ETFRF1: variants seen among roughly 807,000 people sequenced by gnomAD.
ETFRF1 encodes the protein electron transfer flavoprotein regulatory factor 1.
A neutral mutation model predicts 9.0 loss-of-function variants in ETFRF1; 12 were observed. That is an observed-to-expected ratio of 1.34 (90% confidence interval 0.86 to 2.16). The LOEUF (loss-of-function observed/expected upper bound fraction) is 2.16, where lower values mean the gene tolerates loss of function less well. Ranked by LOEUF, ETFRF1 falls within the 30% of genes most tolerant of loss-of-function variation. The pLI is 0.00. For synonymous variants in ETFRF1, 34 were observed against 33.2 expected, an observed-to-expected ratio of 1.02 and a Z score of -0.08; for missense variants, 98 against 101.8, an observed-to-expected ratio of 0.96 and a Z score of 0.16.
rs753152471 is a variant in ETFRF1, at chr12:25,195,267, AC to A, written c.-104del. 1 of 649,256 alleles carries A rather than the reference AC, an allele frequency of 1.5e-6. No homozygotes were observed. 40.2% of individuals were successfully genotyped at this position (649,256 alleles called of 1,614,324 possible). ...CAGGTTGCCCACCTCCCCCAACGCC[AC>A]CCCGCTTCGCAGTAGACGGACAGAG... On this transcript the variant is annotated 5_prime_UTR_variant, in exon 1 of 3. Coordinates refer to ENST00000381356, the MANE Select transcript of ETFRF1 (RefSeq NM_001001660.3).
At chr12:25,199,471 C>T (rs191574393) in intron 1 of ETFRF1, among the ~76,000 whole-genome samples, 18 of 150,242 alleles carry the variant, frequency 1.2e-4, no homozygotes, top group Non-Finnish European at 1.9e-4. Flanking sequence ...CTCTGTTTGT[C>T]AATATATATT....
chr12:25,198,576 TAA>T (rs1248921987), intron 1 of ETFRF1, among the ~76,000 whole-genome samples: 3 of 151,688 alleles, frequency 2.0e-5, no homozygotes, highest in South Asian at 2.1e-4. Flanking sequence ...TCAGAAGTGA[TAA>T]GAGACAAAAG....
intron 1 of ETFRF1, among the ~76,000 whole-genome samples, chr12:25,201,774 C>T (rs1187742676): frequency 6.6e-6 from 1 of 152,060 alleles, no homozygotes; most frequent in African/African-American, 2.4e-5. Flanking sequence ...CACTATTGTA[C>T]TTCGGGGTTC....
At chr12:25,196,351 A>T (rs1951005700) in intron 1 of ETFRF1, among the ~76,000 whole-genome samples, 1 of 152,230 alleles carries the variant, frequency 6.6e-6, no homozygotes, top group Admixed American at 6.5e-5. Flanking sequence ...TTTAATGATA[A>T]AACACCTCAG....
At position 25,205,013 on chromosome 12, in the gene ETFRF1, C is replaced by CTA. The variant is rs61764375; in HGVS notation, c.*703_*704dup. On this transcript the variant is annotated 3_prime_UTR_variant, in exon 3 of 3. Coordinates refer to ENST00000381356, the MANE Select transcript of ETFRF1 (RefSeq NM_001001660.3). Reference sequence around the variant, plus strand: ...AAGGAAATAAATAAATAATGTTATCCTATTTTTTTGTCATAAAGGCAGATT... The same window carrying CTA: ...AAGGAAATAAATAAATAATGTTATCCTATATTTTTTTGTCATAAAGGCAGATT... 876 of 208,170 alleles carry CTA rather than the reference C, an allele frequency of 4.2e-3. 8 individuals carry two copies. Among genetic ancestry groups the CTA allele is most frequent in the African/African-American group, 0.019 (815 of 44,028 alleles). The allele number at this position is 208,170 out of a possible 1,614,324, so 12.9% of individuals were successfully genotyped here.
chr12:25,204,074 A>G lies in ETFRF1; in HGVS notation c.52-17A>G. 6.4e-7 allele frequency: 1 copy of G among 1,554,042 alleles called. No individual in the cohort carries two copies. Among genetic ancestry groups the G allele is most frequent in the Non-Finnish European group, 8.7e-7 (1 of 1,147,338 alleles). ...TGACATGGATTGTTTAGAAATATAT[A>G]ATCTTTCTTTTTGAAGCTGCTGTAT... is the stretch of plus-strand genomic sequence containing the variant. On this transcript the variant is annotated splice_polypyrimidine_tract_variant and intron_variant, in intron 2 of 2. Transcript: ENST00000381356.
chr12:25,198,137 T>A (rs1379559633), intron 1 of ETFRF1, among the ~76,000 whole-genome samples: 3 of 152,192 alleles, frequency 2.0e-5, no homozygotes, highest in Non-Finnish European at 4.4e-5. Context: ...TCTACCCCCT[T>A]ACTCCCATAG....
Position 25,203,868 on chromosome 12 carries a change from T to A in ETFRF1, c.-37-52T>A, listed in dbSNP as rs1037936978. On this transcript the variant is annotated intron_variant, in intron 1 of 2. Transcript: ENST00000381356. The stretch of plus-strand genomic sequence containing the variant: ...TCTCAATGTGTATAACCTTTTTTTA[T>A]TTTTTTAAGACTACAATGCAGCTAA... The A allele has an allele frequency of 7.8e-6, 8 of 1,031,188 alleles. No homozygotes were observed. In the African/African-American group the frequency reaches 1.0e-4, roughly 13 times the overall value. 63.9% of individuals were successfully genotyped at this position (1,031,188 alleles called of 1,614,324 possible).
chr12:25,204,237 A>C lies in ETFRF1; in HGVS notation c.198A>C (p.Leu66=), dbSNP rs747471440. ...IAQGEFVMKE[L]EALYFLRKYR... ...AGGGCGAATTTGTAATGAAAGAGCT[A>C]GAAGCTTTGTACTTCCTTAGGAAAT... The change falls in exon 3 of 3, where the codon CTA becomes CTC. Residue 66 remains leucine (L), a synonymous_variant. Transcript: ENST00000381356. 3.1e-6 allele frequency: 5 copies of C among 1,611,330 alleles called. No homozygotes were observed. The Admixed American group carries it at 8.4e-5, about 27-fold the overall frequency.
intron 1 of ETFRF1, among the ~76,000 whole-genome samples, chr12:25,199,619 T>TACACACAC (rs56221882): frequency 1.0e-3 from 149 of 143,668 alleles, no homozygotes; most frequent in African/African-American, 2.4e-3. Context: ...TATGTATACA[T>TACACACAC]ACACACACAC....
chr12:25,199,796 ATAG>A (rs1258847381), intron 1 of ETFRF1, among the ~76,000 whole-genome samples: 8 of 152,162 alleles, frequency 5.3e-5, no homozygotes, highest in African/African-American at 1.9e-4. Context: ...TAACATCTCT[ATAG>A]TAGTCTCCAG....
chr12:25,197,149 G>C (rs1190778535), intron 1 of ETFRF1, among the ~76,000 whole-genome samples: 1 of 146,624 alleles, frequency 6.8e-6, no homozygotes, highest in Non-Finnish European at 1.5e-5. Context: ...GCAAGACTCC[G>C]TCTCAAAAAA....
intron 1 of ETFRF1, among the ~76,000 whole-genome samples, chr12:25,202,301 G>A (rs1261903040): frequency 2.0e-5 from 3 of 151,980 alleles, no homozygotes; most frequent in African/African-American, 7.3e-5. Flanking sequence ...ACGTGGGGCT[G>A]AGCAAGGCAG....
intron 1 of ETFRF1, among the ~76,000 whole-genome samples, chr12:25,200,646 A>T (rs1447967148): frequency 6.6e-6 from 1 of 152,232 alleles, no homozygotes; most frequent in Non-Finnish European, 1.5e-5. Context: ...TACTCAGACA[A>T]GCTATCAAAC....
At chr12:25,195,580 T>G (rs7979296) in intron 1 of ETFRF1, 140,540 of 197,468 alleles carry the variant, frequency 0.71, 51,399 homozygotes, top group East Asian at 0.89. Flanking sequence ...TGCGGTTTAA[T>G]CCAGCAGGGG....
In ETFRF1 at chr12:25,204,891, A is replaced by G. The variant is rs1179146149; in HGVS notation, c.*579A>G. 5.0e-6 allele frequency: 1 copy of G among 199,824 alleles called. No homozygotes were observed. The highest frequency in any genetic ancestry group is 1.0e-5 in the Non-Finnish European group (1 of 96,354). The allele number at this position is 199,824 out of a possible 1,614,324, so 12.4% of individuals were successfully genotyped here. A position where few individuals can be genotyped will look rare whatever the true frequency, so the allele number is the denominator to read the frequency against. On this transcript the variant is annotated 3_prime_UTR_variant, in exon 3 of 3. Coordinates refer to ENST00000381356, the MANE Select transcript of ETFRF1 (RefSeq NM_001001660.3). Reference sequence around the variant, plus strand: ...CTGGTGACTGGCATTAACATACATAACTAACTATTCAATTATTTCCATTAT... The same window carrying G: ...CTGGTGACTGGCATTAACATACATAGCTAACTATTCAATTATTTCCATTAT...
intron 1 of ETFRF1, among the ~76,000 whole-genome samples, chr12:25,201,391 A>T (rs1951071960): frequency 6.6e-6 from 1 of 152,172 alleles, no homozygotes; most frequent in Non-Finnish European, 1.5e-5. Flanking sequence ...TCCTTGCTAG[A>T]TTCGTGCTTG....
chr12:25,197,801 G>A (rs979313565), intron 1 of ETFRF1, among the ~76,000 whole-genome samples: 3 of 152,004 alleles, frequency 2.0e-5, no homozygotes, highest in Non-Finnish European at 4.4e-5. Flanking sequence ...ATTATTTCAC[G>A]CTGCTAATGG....
chr12:25,205,067 T>TTAAG lies in ETFRF1; in HGVS notation c.*757_*760dup, dbSNP rs1419156696. 9 of 213,394 alleles carry TTAAG rather than the reference T, an allele frequency of 4.2e-5. No individual in the cohort carries two copies. Among genetic ancestry groups the TTAAG allele is most frequent in the Admixed American group, 2.9e-4 (5 of 17,068 alleles). 13.2% of individuals were successfully genotyped at this position (213,394 alleles called of 1,614,324 possible). A position where few individuals can be genotyped will look rare whatever the true frequency, so the allele number is the denominator to read the frequency against. On this transcript the variant is annotated 3_prime_UTR_variant, in exon 3 of 3. Transcript: ENST00000381356. ...TTTGCATCTACTTCTAAATATGGTT[T>TTAAG]TAAGTTTAAGCAAACACGCCTTTAC...
Sources: gnomAD v4.1 joint callset for allele counts (sites outside exome capture counted in the v4.1 genomes callset) on GRCh38, gnomAD v4.1.1 for gene constraint, MANE v1.5 for transcripts, NCBI Gene and HGNC (gene_info 2026-07-23, HGNC 2026-07-21) for gene names.